Variants in MAML3 observed in about 807,000 individuals in gnomAD.
MAML3 encodes mastermind like transcriptional coactivator 3.
MAML3 carries 27 observed loss-of-function variants against 101.9 expected under a neutral mutation model. The ratio of observed to expected loss-of-function variants is 0.27; its 90% CI spans 0.20 to 0.37. MAML3 has a LOEUF of 0.37. Among genes scored for constraint, MAML3 ranks in the 10% least tolerant of loss-of-function variants. MAML3 has a pLI of 1.00. For missense variants in MAML3, 1,316 were observed against 1,444.9 expected (o/e 0.91, Z 1.45); for synonymous variants, 501 against 555.9 (o/e 0.90, Z 1.39).
chr4:139,752,210 C>T (rs184537218), intron 2 of MAML3, among the ~76,000 whole-genome samples: 22 of 152,290 alleles, frequency 1.4e-4, no homozygotes, highest in Admixed American at 1.4e-3. Flanking sequence ...ACGTTACGTA[C>T]TACTAGAAAG....
intron 1 of MAML3, among the ~76,000 whole-genome samples, chr4:140,038,822 C>T (rs1179551253): frequency 1.3e-5 from 2 of 152,144 alleles, no homozygotes; most frequent in African/African-American, 4.8e-5. Flanking sequence ...GCAACTTCTG[C>T]ATATACAGGA....
chr4:139,889,239 A>G (rs1295247640), intron 2 of MAML3, 118 bp downstream of exon 2: 1 of 1,587,872 alleles, frequency 6.3e-7, no homozygotes, highest in Non-Finnish European at 8.6e-7. Context: ...GGATGTGTAA[A>G]GAGGTTTTCT....
chr4:139,985,974 A>C (rs148076373), intron 1 of MAML3, among the ~76,000 whole-genome samples: 56 of 152,342 alleles, frequency 3.7e-4, no homozygotes, highest in Non-Finnish European at 6.3e-4. Flanking sequence ...TTCTCTTCTC[A>C]ACTTCACTCC....
intron 1 of MAML3, among the ~76,000 whole-genome samples, chr4:139,893,085 T>C (rs926456873): frequency 6.6e-6 from 1 of 152,172 alleles, no homozygotes; most frequent in African/African-American, 2.4e-5. Context: ...TTGAGACTTA[T>C]AGTTCCTTAA....
intron 4 of MAML3, among the ~76,000 whole-genome samples, chr4:139,720,580 ATTCTT>A (rs1177713338): frequency 1.3e-5 from 2 of 152,260 alleles, no homozygotes; most frequent in African/African-American, 4.8e-5. Flanking sequence ...GATCATTCCT[ATTCTT>A]TTATTTGTAT....
intron 1 of MAML3, among the ~76,000 whole-genome samples, chr4:140,048,360 C>A (rs1256535950): frequency 6.6e-6 from 1 of 152,094 alleles, no homozygotes; most frequent in Non-Finnish European, 1.5e-5. Flanking sequence ...TACAAGTGAC[C>A]AAATAATAAA....
intron 1 of MAML3, among the ~76,000 whole-genome samples, chr4:139,931,347 G>A (rs1418429149): frequency 6.6e-6 from 1 of 152,032 alleles, no homozygotes; most frequent in Non-Finnish European, 1.5e-5. Flanking sequence ...CAAGTCTATC[G>A]TTCTTGCAAC....
At chr4:139,914,414 T>C (rs1280282160) in intron 1 of MAML3, among the ~76,000 whole-genome samples, 1 of 152,090 alleles carries the variant, frequency 6.6e-6, no homozygotes, top group Non-Finnish European at 1.5e-5. Context: ...GATTATAATG[T>C]GGCTAGGCTT....
At position 139,764,713 on chromosome 4, in the gene MAML3, C is replaced by T. The variant is rs545794350; in HGVS notation, c.2080-34046G>A. 1.4e-4 allele frequency among the ~76,000 whole-genome samples: 22 copies of T among 152,312 alleles called. 1 individual carries two copies. Among genetic ancestry groups the T allele is most frequent in the Non-Finnish European group, 2.5e-4 (17 of 68,030 alleles). On this transcript the variant is annotated intron_variant, in intron 2 of 4. Transcript: ENST00000509479. ...GCGGGGAAAGAACAGCAACATCTCC[C>T]GGTGATAAGGGAGTGCTGTGCACAG... is the stretch of plus-strand genomic sequence containing the variant.
At chr4:139,982,656 C>T (rs895110849) in intron 1 of MAML3, among the ~76,000 whole-genome samples, 1 of 152,112 alleles carries the variant, frequency 6.6e-6, no homozygotes, top group Non-Finnish European at 1.5e-5. Flanking sequence ...CACTTTTTTC[C>T]TATACACAAA....
chr4:139,969,276 A>ATAGG (rs1734193900), intron 1 of MAML3, among the ~76,000 whole-genome samples: 1 of 151,576 alleles, frequency 6.6e-6, no homozygotes, highest in African/African-American at 2.4e-5. Context: ...CCGCCGTGGG[A>ATAGG]TAGGTAGGTA....
rs70943444 is a variant in MAML3 at position 139,832,094 on chromosome 4, C to CTTTTTTTT, written c.2079+57255_2079+57262dup. On this transcript the variant is annotated intron_variant, in intron 2 of 4. Coordinates refer to ENST00000509479, the MANE Select transcript of MAML3 (RefSeq NM_018717.5). ...AGGCGTGAGCCATCATGCCCAGCCCCTTTTTTTTTTTTTTTTTTTTTTTTT... is the reference window on the plus strand; with the variant it reads ...AGGCGTGAGCCATCATGCCCAGCCCCTTTTTTTTTTTTTTTTTTTTTTTTTTTTTTTTT... Among the ~76,000 whole-genome samples the CTTTTTTTT allele has an allele frequency of 4.8e-4, 31 of 64,698 alleles. 1 individual carries two copies. The highest frequency in any genetic ancestry group is 8.4e-4 in the African/African-American group (20 of 23,714). 42.4% of individuals were successfully genotyped at this position (64,698 alleles called of 152,430 possible).
intron 1 of MAML3, among the ~76,000 whole-genome samples, chr4:139,995,161 T>C (rs79563647): frequency 6.6e-6 from 1 of 152,340 alleles, no homozygotes; most frequent in Non-Finnish European, 1.5e-5. Context: ...AATGATAACA[T>C]GGTTTTTGCC....
rs17005228 is a variant in MAML3, at chr4:139,918,285, C to T, written c.469-27318G>A. ...CTGAAAGTCAAACTTGCCTAAGAGG[C>T]GCTGGATGGTCTGGTGTCTCCCAGC... On this transcript the variant is annotated intron_variant, in intron 1 of 4. Transcript: ENST00000509479. Among the ~76,000 whole-genome samples, 1,110 of 152,314 alleles carry T rather than the reference C, an allele frequency of 7.3e-3. 11 individuals carry two copies. The highest frequency in any genetic ancestry group is 0.024 in the African/African-American group (1,005 of 41,572).
chr4:140,110,350 C>T (rs563432597), intron 1 of MAML3, among the ~76,000 whole-genome samples: 5 of 152,352 alleles, frequency 3.3e-5, no homozygotes, highest in Non-Finnish European at 5.9e-5. Flanking sequence ...AAGGGGGAAA[C>T]GGCAGATGCC....
Position 140,019,934 on chromosome 4 carries a change from T to A in MAML3, c.469-128967A>T, listed in dbSNP as rs17373902. Among the ~76,000 whole-genome samples, 1,513 of 152,362 alleles carry A rather than the reference T, an allele frequency of 9.9e-3. 13 individuals are homozygous for A. Among genetic ancestry groups the A allele is most frequent in the Non-Finnish European group, 0.016 (1,099 of 68,024 alleles). Reference sequence around the variant, plus strand: ...TTCCTAGTACTAAAGTTTGTCCTTATGTTTCCATCTTTCTCAGTATTGAGA... The same window carrying A: ...TTCCTAGTACTAAAGTTTGTCCTTAAGTTTCCATCTTTCTCAGTATTGAGA... On this transcript the variant is annotated intron_variant, in intron 1 of 4. Transcript: ENST00000509479.
Position 140,060,365 on chromosome 4 carries a change from C to CAAAAA in MAML3, c.468+92490_468+92494dup, listed in dbSNP as rs70943471. On this transcript the variant is annotated intron_variant, in intron 1 of 4. Transcript: ENST00000509479. ...TGGGCGACAGAGTAAGACTCTGTCTCAAAAAAAAAAAAAAAAAAAAGTCAC... is the reference window on the plus strand; with the variant it reads ...TGGGCGACAGAGTAAGACTCTGTCTCAAAAAAAAAAAAAAAAAAAAAAAAAGTCAC... Among the ~76,000 whole-genome samples the CAAAAA allele has an allele frequency of 8.4e-4, 16 of 19,114 alleles. 4 individuals carry two copies. Among genetic ancestry groups the CAAAAA allele is most frequent in the Non-Finnish European group, 9.3e-4 (10 of 10,738 alleles). The allele number at this position is 19,114 out of a possible 152,430, so 12.5% of individuals were successfully genotyped here.
chr4:139,931,054 G>A (rs1022345736), intron 1 of MAML3, among the ~76,000 whole-genome samples: 21 of 152,096 alleles, frequency 1.4e-4, no homozygotes, highest in African/African-American at 4.3e-4. Context: ...TTCTCCTAAG[G>A]TTATGGCTCG....
chr4:140,099,759 C>T (rs1478860623), intron 1 of MAML3, among the ~76,000 whole-genome samples: 4 of 152,174 alleles, frequency 2.6e-5, no homozygotes, highest in Non-Finnish European at 5.9e-5. Flanking sequence ...CTCCCTTCCC[C>T]AACACACCTC....
Sources: allele counts gnomAD v4.1 joint callset (sites outside exome capture counted in the v4.1 genomes callset), GRCh38; gene constraint gnomAD v4.1.1; transcripts MANE v1.5; gene names NCBI Gene and HGNC (gene_info 2026-07-23, HGNC 2026-07-21).